The following MARCHF1 variants were observed in gnomAD, a reference collection of about 807,000 sequenced individuals.
MARCHF1 encodes the protein membrane associated ring-CH-type finger 1, also known as E3 ubiquitin-protein ligase MARCHF1.
Under a neutral mutation model 54.2 loss-of-function variants are expected in MARCHF1, and 40 were observed. That is an observed-to-expected ratio of 0.74 (90% CI 0.57 to 0.96). MARCHF1 has a LOEUF of 0.96. MARCHF1 is among the 40% of genes least tolerant of loss of function. MARCHF1 has a pLI of 0.00. For synonymous variants in MARCHF1, 236 were observed against 236.3 expected (o/e 1.00, Z 0.01); for missense variants, 586 against 656.5 (o/e 0.89, Z 1.17).
At chr4:163,796,436 G>A (rs1448535743) in intron 4 of MARCHF1, among the ~76,000 whole-genome samples, 2 of 151,874 alleles carry the variant, frequency 1.3e-5, no homozygotes, top group Non-Finnish European at 2.9e-5. Context: ...ATGTAGTCAA[G>A]CTTTCTCTCT....
intron 4 of MARCHF1, among the ~76,000 whole-genome samples, chr4:163,733,258 T>TATATATACACATGTATATATACACAC (rs1554008879): frequency 2.2e-5 from 1 of 45,062 alleles, no homozygotes; most frequent in African/African-American, 6.6e-5. Flanking sequence ...TATATATATA[T>TATATATACACATGTATATATACACAC]ACACACACAC....
intron 1 of MARCHF1, among the ~76,000 whole-genome samples, chr4:164,302,085 G>A (rs1734575409): frequency 6.6e-6 from 1 of 152,110 alleles, no homozygotes; most frequent in Non-Finnish European, 1.5e-5. Flanking sequence ...TGACCAATGG[G>A]CATTCAGAAC....
intron 2 of MARCHF1, among the ~76,000 whole-genome samples, chr4:164,075,508 CATCATGT>C (rs1754958156): frequency 2.0e-5 from 3 of 152,200 alleles, no homozygotes; most frequent in African/African-American, 7.2e-5. Context: ...GCCAGATCAG[CATCATGT>C]CAGCTGAGGC....
At position 164,076,013 on chromosome 4, in the gene MARCHF1, T is replaced by C. The variant is rs573441105; in HGVS notation, c.-248+35575A>G. ...TTGTAGCCATGAATGCAGTTAAAAATGTTTCCTGTAACTAGTGATACAGGT... is the reference window on the plus strand; with the variant it reads ...TTGTAGCCATGAATGCAGTTAAAAACGTTTCCTGTAACTAGTGATACAGGT... On this transcript the variant is annotated intron_variant, in intron 2 of 9. Coordinates refer to ENST00000514618, the MANE Select transcript of MARCHF1 (RefSeq NM_001394959.1). 4.6e-5 allele frequency among the ~76,000 whole-genome samples: 7 copies of C among 152,266 alleles called. No homozygotes were observed. In the South Asian group the frequency reaches 1.2e-3, roughly 27 times the overall value.
chr4:164,059,796 T>C (rs1393342695), intron 2 of MARCHF1, among the ~76,000 whole-genome samples: 1 of 152,180 alleles, frequency 6.6e-6, no homozygotes, highest in Non-Finnish European at 1.5e-5. Flanking sequence ...TAATGGTCCG[T>C]GACATTTTAT....
chr4:163,742,240 C>A (rs1746217306), intron 4 of MARCHF1, among the ~76,000 whole-genome samples: 1 of 152,066 alleles, frequency 6.6e-6, no homozygotes, highest in Admixed American at 6.6e-5. Context: ...AATTCCTCTT[C>A]CTCAGACTGA....
chr4:163,931,608 T>A (rs1465251781), intron 3 of MARCHF1, among the ~76,000 whole-genome samples: 1 of 152,182 alleles, frequency 6.6e-6, no homozygotes, highest in Non-Finnish European at 1.5e-5. Flanking sequence ...AGAAATACAT[T>A]TCCGTTGTTT....
intron 4 of MARCHF1, among the ~76,000 whole-genome samples, chr4:163,806,076 G>A (rs1207015067): frequency 1.3e-5 from 2 of 152,188 alleles, no homozygotes; most frequent in Non-Finnish European, 2.9e-5. Flanking sequence ...TTATCAAGGA[G>A]GAGTTGTGTT....
chr4:163,733,210 T>C (rs1189105125), intron 4 of MARCHF1, among the ~76,000 whole-genome samples: 19 of 23,414 alleles, frequency 8.1e-4, no homozygotes, highest in Non-Finnish European at 1.3e-3. Flanking sequence ...TATATATATA[T>C]ATATATATAT....
chr4:164,262,877 A>G (rs537675230), intron 1 of MARCHF1, among the ~76,000 whole-genome samples: 1 of 152,362 alleles, frequency 6.6e-6, no homozygotes, highest in Non-Finnish European at 1.5e-5. Flanking sequence ...ATTGAAGTTT[A>G]GAATAAATTA....
chr4:163,899,716 A>G (rs1365999296), intron 3 of MARCHF1, among the ~76,000 whole-genome samples: 3 of 151,604 alleles, frequency 2.0e-5, no homozygotes, highest in Non-Finnish European at 2.9e-5. Flanking sequence ...TGTCTAATGA[A>G]TAGCCCAAAC....
intron 5 of MARCHF1, among the ~76,000 whole-genome samples, chr4:163,676,147 C>T (rs1743905624): frequency 7.0e-6 from 1 of 143,444 alleles, no homozygotes. Context: ...GTTCTACAGC[C>T]TGACCAAAAT....
chr4:164,238,045 AT>A (rs1230824685), intron 1 of MARCHF1, among the ~76,000 whole-genome samples: 7 of 152,096 alleles, frequency 4.6e-5, no homozygotes, highest in African/African-American at 1.7e-4. Context: ...TAATTCAATG[AT>A]TCTGGAAAAC....
chr4:163,802,531 A>T (rs563559624), intron 4 of MARCHF1, among the ~76,000 whole-genome samples: 123 of 152,272 alleles, frequency 8.1e-4, no homozygotes, highest in African/African-American at 2.9e-3. Context: ...TTAATCCTCA[A>T]GCAGCTTTTG....
At position 164,042,519 on chromosome 4, in the gene MARCHF1, C is replaced by T. The variant is rs147164019; in HGVS notation, c.-247-53810G>A. ...TCATGAGAATAGCATGGGAGAAATC[C>T]CCCTGTGATCCAATCACCTACCACT... On this transcript the variant is annotated intron_variant, in intron 2 of 9. Coordinates refer to ENST00000514618, the MANE Select transcript of MARCHF1 (RefSeq NM_001394959.1). Among the ~76,000 whole-genome samples the T allele has an allele frequency of 3.9e-3, 596 of 152,174 alleles. 12 individuals are homozygous for T. The highest frequency in any genetic ancestry group is 0.029 in the Admixed American group (450 of 15,268).
chr4:164,120,981 A>C (rs904379863), intron 1 of MARCHF1, among the ~76,000 whole-genome samples: 6 of 152,224 alleles, frequency 3.9e-5, no homozygotes, highest in African/African-American at 1.4e-4. Context: ...AATAAAGATC[A>C]GAACAGAAAT....
At chr4:163,933,311 T>C (rs1321291496) in intron 3 of MARCHF1, 9 of 562,014 alleles carry the variant, frequency 1.6e-5, no homozygotes, top group Non-Finnish European at 3.1e-5. Flanking sequence ...ATATCTCCAT[T>C]CCTTATTCCA....
chr4:163,794,622 T>G (rs1157033131), intron 4 of MARCHF1, among the ~76,000 whole-genome samples: 4 of 152,204 alleles, frequency 2.6e-5, no homozygotes, highest in Non-Finnish European at 5.9e-5. Flanking sequence ...TTTCTGCCTA[T>G]TTCCTATATT....
intron 1 of MARCHF1, among the ~76,000 whole-genome samples, chr4:164,192,018 A>C (rs1340528532): frequency 6.6e-6 from 1 of 152,178 alleles, no homozygotes; most frequent in South Asian, 2.1e-4. Context: ...ATAAGCCTAC[A>C]TAAAACAAAC....
Sources: gnomAD v4.1 joint callset for allele counts (sites outside exome capture counted in the v4.1 genomes callset) on GRCh38, gnomAD v4.1.1 for gene constraint, MANE v1.5 for transcripts, NCBI Gene and HGNC (gene_info 2026-07-23, HGNC 2026-07-21) for gene names.